CDHR3: variants seen among roughly 807,000 people sequenced by gnomAD.
The protein encoded by CDHR3 is cadherin-related family member 3.
In CDHR3, 79 loss-of-function variants were observed where a neutral mutation model predicts 86.6. The ratio of observed to expected loss-of-function variants is 0.91; its 90% CI spans 0.76 to 1.10. The LOEUF is 1.10. CDHR3 is among the 50% of genes least tolerant of loss of function. CDHR3 has a pLI of 0.00. For missense variants in CDHR3, 1,081 were observed against 1,077.6 expected (o/e 1.00, Z -0.04); for synonymous variants, 421 against 402.4 (o/e 1.05, Z -0.55).
chr7:106,030,722 A>G lies in CDHR3; in HGVS notation c.2305-70A>G. On this transcript the variant is annotated intron_variant, in intron 17 of 18. Transcript: ENST00000317716. The surrounding 1 kb of genome is among the most constrained non-coding windows in gnomAD (Gnocchi z 4.8). ...CTTTGGTTAAGGAACTTGGGTTGTG[A>G]GGATGTGTAGCTTTGCCTGGGGGAA... 6.8e-7 allele frequency: 1 copy of G among 1,463,358 alleles called. No individual in the cohort carries two copies. The highest frequency in any genetic ancestry group is 1.4e-5 in the African/African-American group (1 of 71,440). The allele number at this position is 1,463,358 out of a possible 1,614,324, so 90.6% of individuals were successfully genotyped here.
chr7:105,971,369 C>T (rs559993611), intron 1 of CDHR3, among the ~76,000 whole-genome samples: 1 of 152,280 alleles, frequency 6.6e-6, no homozygotes, highest in South Asian at 2.1e-4. Context: ...CTGGCTTTCA[C>T]CATACATGGG....
intron 11 of CDHR3, among the ~76,000 whole-genome samples, chr7:106,017,483 C>T (rs947232869): frequency 4.0e-5 from 6 of 151,580 alleles, no homozygotes; most frequent in Non-Finnish European, 7.4e-5. Context: ...TGCTTGAACC[C>T]AGGAAGTGGA....
intron 6 of CDHR3, among the ~76,000 whole-genome samples, chr7:105,998,813 A>G (rs975788555): frequency 2.6e-5 from 4 of 152,102 alleles, no homozygotes; most frequent in African/African-American, 4.8e-5. Context: ...AAAAGAAAAA[A>G]AAAAAGCACC....
At chr7:106,020,614 T>C (rs1836421468) in intron 13 of CDHR3, 70 bp downstream of exon 13, 1 of 1,526,488 alleles carries the variant, frequency 6.6e-7, no homozygotes, top group African/African-American at 1.4e-5. Flanking sequence ...GGTAGGGGTC[T>C]GTGCTCACAC....
At chr7:106,027,892 A>G (rs1837612237) in intron 16 of CDHR3, among the ~76,000 whole-genome samples, 1 of 152,134 alleles carries the variant, frequency 6.6e-6, no homozygotes, top group South Asian at 2.1e-4. Context: ...TGGGAGGCCA[A>G]GGCTAGAGGA....
In CDHR3 at chr7:105,963,264, G is replaced by A. The variant is rs964592608; in HGVS notation, c.-55G>A. On this transcript the variant is annotated 5_prime_UTR_variant, in exon 1 of 19. Coordinates refer to ENST00000317716, the MANE Select transcript of CDHR3 (RefSeq NM_152750.5). ...CTGGAATAAACTTTGGGTGTGAGAC[G>A]GGATTCAGGCTGTGGCTAATGTGCT... 29 of 1,574,706 alleles carry A rather than the reference G, an allele frequency of 1.8e-5. No individual in the cohort carries two copies. In the African/African-American group the frequency reaches 1.9e-4, roughly 10 times the overall value.
chr7:106,026,786 C>A, intron 16 of CDHR3, 91 bp downstream of exon 16: 1 of 1,321,542 alleles, frequency 7.6e-7, no homozygotes, highest in Non-Finnish European at 1.1e-6. Context: ...AGAATCAGGC[C>A]GCGATCACAT....
intron 15 of CDHR3, 118 bp from the exon 16 acceptor site, chr7:106,026,564 T>G (rs917853909): frequency 6.3e-5 from 66 of 1,041,956 alleles, no homozygotes; most frequent in Admixed American, 1.2e-4. Context: ...TGGCACCTCT[T>G]TCAGTCAACC....
intron 1 of CDHR3, among the ~76,000 whole-genome samples, chr7:105,967,279 A>G: frequency 6.6e-6 from 1 of 152,192 alleles, no homozygotes; most frequent in East Asian, 1.9e-4. Flanking sequence ...TGCAAAGGAC[A>G]TGAACTCATC....
chr7:105,965,008 A>G (rs1473822454), intron 1 of CDHR3, among the ~76,000 whole-genome samples: 2 of 152,050 alleles, frequency 1.3e-5, no homozygotes, highest in Admixed American at 1.3e-4. Context: ...GAAGAACCCA[A>G]TTTCTTATAC....
At chr7:106,028,477 C>T (rs776780065) in intron 16 of CDHR3, 74 bp from the exon 17 acceptor site, 20 of 1,513,642 alleles carry the variant, frequency 1.3e-5, no homozygotes, top group Admixed American at 1.2e-4. Context: ...GGGGAAATAC[C>T]GTTGTGGAGG....
At position 106,034,069 on chromosome 7, in the gene CDHR3, C is replaced by T. The variant is rs371139386; in HGVS notation, c.*1372C>T. 2.6e-5 allele frequency among the ~76,000 whole-genome samples: 4 copies of T among 152,220 alleles called. No homozygotes were observed. The East Asian group carries it at 7.7e-4, about 29-fold the overall frequency. On this transcript the variant is annotated 3_prime_UTR_variant, in exon 19 of 19. Coordinates refer to ENST00000317716, the MANE Select transcript of CDHR3 (RefSeq NM_152750.5). ...AGCCTTACAACCTACCTGCCTTGCT[C>T]CTTCCCACTTCCTATGATTGGAAGG...
At chr7:105,992,667 C>T (rs1239880429) in intron 4 of CDHR3, among the ~76,000 whole-genome samples, 10 of 152,192 alleles carry the variant, frequency 6.6e-5, no homozygotes, top group Admixed American at 6.5e-4. Flanking sequence ...ACTAACCAGG[C>T]TATAAAATAA....
At chr7:106,020,670 TTTGAGATAGGGTC>T (rs1836432312) in intron 13 of CDHR3, 126 bp downstream of exon 13, 2 of 1,066,260 alleles carry the variant, frequency 1.9e-6, no homozygotes. Flanking sequence ...GCATTATTTT[TTTGAGATAGGGTC>T]TTGCTATGCT....
chr7:106,014,684 A>G (rs936483245), intron 9 of CDHR3, among the ~76,000 whole-genome samples: 1 of 152,210 alleles, frequency 6.6e-6, no homozygotes, highest in African/African-American at 2.4e-5. Context: ...CTCTCTCAAA[A>G]TATATTATAG....
intron 7 of CDHR3, among the ~76,000 whole-genome samples, chr7:106,002,415 T>C (rs1833329720): frequency 6.6e-6 from 1 of 152,160 alleles, no homozygotes. Flanking sequence ...CCTGGGAGAA[T>C]TTAGCAAGGT....
intron 2 of CDHR3, among the ~76,000 whole-genome samples, chr7:105,977,729 C>T (rs557365555): frequency 6.6e-6 from 1 of 152,322 alleles, no homozygotes; most frequent in East Asian, 1.9e-4. Context: ...CTGGCCCCTC[C>T]TTGGATAGCC....
intron 6 of CDHR3, among the ~76,000 whole-genome samples, chr7:105,996,742 A>G (rs1832307221): frequency 6.6e-6 from 1 of 152,086 alleles, no homozygotes; most frequent in Admixed American, 6.6e-5. Flanking sequence ...GCCCGCTCCT[A>G]GTATGTTATC....
intron 1 of CDHR3, among the ~76,000 whole-genome samples, chr7:105,964,659 T>G (rs1365401396): frequency 6.6e-6 from 1 of 152,112 alleles, no homozygotes; most frequent in African/African-American, 2.4e-5. Context: ...ATAATAAAAC[T>G]AAATGTAAGA....
Sources: allele counts gnomAD v4.1 joint callset (sites outside exome capture counted in the v4.1 genomes callset), GRCh38; gene constraint gnomAD v4.1.1; non-coding constraint Gnocchi (gnomAD v3.1); transcripts MANE v1.5; gene names NCBI Gene and HGNC (gene_info 2026-07-23, HGNC 2026-07-21).